The following NUP210 variants were observed in gnomAD, a reference collection of about 807,000 sequenced individuals.
NUP210 encodes the protein nuclear pore membrane glycoprotein 210.
A neutral mutation model predicts 196.0 loss-of-function variants in NUP210; 151 were observed. The ratio of observed to expected loss-of-function variants is 0.77; its 90% confidence interval spans 0.67 to 0.88. The LOEUF (loss-of-function observed/expected upper bound fraction) is 0.88. Ranked by LOEUF, NUP210 falls within the 40% of genes least tolerant of loss-of-function variation. The pLI, the probability that NUP210 is intolerant of heterozygous loss-of-function variation, is 0.00. For missense variants in NUP210, 2,314 were observed against 2,493.7 expected, an observed-to-expected ratio of 0.93 and a Z score of 1.53; for synonymous variants, 1,070 against 1,052.7, an observed-to-expected ratio of 1.02 and a Z score of -0.32.
chr3:13,344,263 G>T (rs1269626892), intron 20 of NUP210, among the ~76,000 whole-genome samples: 2 of 152,264 alleles, frequency 1.3e-5, no homozygotes, highest in African/African-American at 4.8e-5. Flanking sequence ...GCAGAAGATG[G>T]GCATTCACAC....
intron 20 of NUP210, among the ~76,000 whole-genome samples, chr3:13,345,489 G>A (rs1294479695): frequency 2.0e-5 from 3 of 152,196 alleles, no homozygotes; most frequent in Non-Finnish European, 4.4e-5. Context: ...AGGAGGGAGA[G>A]TGGACAAAAG....
chr3:13,388,271 A>C lies in NUP210; in HGVS notation c.684+32T>G, dbSNP rs375801682. On this transcript the variant is annotated intron_variant, in intron 5 of 39. Coordinates refer to ENST00000254508, the MANE Select transcript of NUP210 (RefSeq NM_024923.4). The stretch of plus-strand genomic sequence containing the variant: ...CCGTCAGCCTGATTCCACCCCAGGA[A>C]GCCCACTGACACCCCAGCGCCCCAG... The C allele has an allele frequency of 1.9e-6, 3 of 1,555,582 alleles. No homozygotes were observed. The African/African-American group carries it at 4.1e-5, about 21-fold the overall frequency.
intron 28 of NUP210, among the ~76,000 whole-genome samples, chr3:13,334,805 C>T (rs925070473): frequency 2.0e-5 from 3 of 152,202 alleles, no homozygotes; most frequent in African/African-American, 7.2e-5. Context: ...GATACAGACA[C>T]AGGGCTGCAC....
rs1248120756 is a variant in NUP210 at position 13,420,054 on chromosome 3, C to T, written c.167+6G>A. On this transcript the variant is annotated splice_donor_region_variant and intron_variant, in intron 1 of 39. Transcript: ENST00000254508. The surrounding 1 kb of genome is among the most constrained non-coding windows in gnomAD (Gnocchi z 4.8). ...GGCGCCCGCCCGGCCCGGCCGCGCG[C>T]CTCACCAGCGGTAGCAGCCCTCCGA... 1 of 1,302,690 alleles carries T rather than the reference C, an allele frequency of 7.7e-7. No homozygotes were observed. The highest frequency in any genetic ancestry group is 3.9e-5 in the East Asian group (1 of 25,640). 80.7% of individuals were successfully genotyped at this position (1,302,690 alleles called of 1,614,324 possible).
In NUP210 at chr3:13,391,196, AG is replaced by A; in HGVS notation, c.533+14del. 2 of 1,596,538 alleles carry A rather than the reference AG, an allele frequency of 1.3e-6. No individual in the cohort carries two copies. Among genetic ancestry groups the A allele is most frequent in the Non-Finnish European group, 1.7e-6 (2 of 1,166,288 alleles). The stretch of plus-strand genomic sequence containing the variant: ...TCCCTTCAAAGGGGCCAGGCCTAGC[AG>A]AGGCACCCCTTACCGCAGCGCATTG... On this transcript the variant is annotated intron_variant, in intron 4 of 39. Coordinates refer to ENST00000254508, the MANE Select transcript of NUP210 (RefSeq NM_024923.4).
chr3:13,317,694 T>C lies in NUP210; in HGVS notation c.5651A>G (p.Tyr1884Cys), dbSNP rs1024851966. ...SPPSGLWSPA[Y>C]ASH ...CCTTCACGCGGCCTAGTGGGAGGCA[T>C]AGGCTGGGCTCCACAGCCCTGAGGG... The change falls in exon 40 of 40, where the codon TAT becomes TGT. Residue 1884 changes from tyrosine to cysteine, a missense_variant. Coordinates refer to ENST00000254508, the MANE Select transcript of NUP210 (RefSeq NM_024923.4). The C allele has an allele frequency of 5.0e-6, 8 of 1,608,646 alleles. No individual in the cohort carries two copies. In the Admixed American group the frequency reaches 6.7e-5, roughly 14 times the overall value.
chr3:13,325,887 TG>T lies in NUP210; in HGVS notation c.4551del (p.His1517GlnfsTer17). ...ACAGCCACACCCGTCTTGGGGTCGA[TG>T]TGGAGGATGCTGTTGGCCGAGGAGC... Reference protein sequence around the residue: ...TWSSSANSILHIDPKTGVAVA... With the variant: ...TWSSSANSILXIDPKTGVAVA... On this transcript the variant is annotated frameshift_variant, in exon 33 of 40. Coordinates refer to ENST00000254508, the MANE Select transcript of NUP210 (RefSeq NM_024923.4). LOFTEE classifies it high-confidence loss of function. 1 of 1,614,120 alleles carries T rather than the reference TG, an allele frequency of 6.2e-7. No homozygotes were observed.
chr3:13,336,936 G>C lies in NUP210; in HGVS notation c.3553-18C>G. On this transcript the variant is annotated intron_variant, in intron 26 of 39. Transcript: ENST00000254508. ...ATGGGCATCTGCAGGGGAGAAGTCAGGCCCAGTGAGCAGTAGCTCCCAGCA... is the reference window on the plus strand; with the variant it reads ...ATGGGCATCTGCAGGGGAGAAGTCACGCCCAGTGAGCAGTAGCTCCCAGCA... 1 of 1,612,542 alleles carries C rather than the reference G, an allele frequency of 6.2e-7. No individual in the cohort carries two copies. The highest frequency in any genetic ancestry group is 8.5e-7 in the Non-Finnish European group (1 of 1,179,284).
chr3:13,370,419 G>C (rs1576391787), intron 13 of NUP210, among the ~76,000 whole-genome samples: 1 of 152,322 alleles, frequency 6.6e-6, no homozygotes, highest in African/African-American at 2.4e-5. Flanking sequence ...AGAGAGGCTA[G>C]GCAGCACACC....
chr3:13,358,482 T>C, intron 15 of NUP210, 87 bp from the exon 16 acceptor site: 1 of 1,341,766 alleles, frequency 7.5e-7, no homozygotes, highest in Non-Finnish European at 1.0e-6. Context: ...CAGCTCCCTC[T>C]GACTCAGTTT....
chr3:13,375,568 A>T lies in NUP210; in HGVS notation c.1367T>A (p.Leu456Gln). Residue 456 changes from leucine to glutamine, a missense_variant, in exon 11 of 40, where the codon CTG becomes CAG. Coordinates refer to ENST00000254508, the MANE Select transcript of NUP210 (RefSeq NM_024923.4). ...QEVEIHIPIT[L>Q]YPSILTFPWQ... The stretch of plus-strand genomic sequence containing the variant: ...CGGAAATGTCAAGATGCTGGGATAC[A>T]GGGTGATCGGGATGTGAATTTCCAC... The T allele has an allele frequency of 1.2e-6, 2 of 1,614,114 alleles. No individual in the cohort carries two copies. The highest frequency in any genetic ancestry group is 1.7e-6 in the Non-Finnish European group (2 of 1,180,000).
chr3:13,367,753 G>A (rs1191258390), intron 13 of NUP210, among the ~76,000 whole-genome samples: 1 of 152,190 alleles, frequency 6.6e-6, no homozygotes, highest in East Asian at 1.9e-4. Flanking sequence ...AAGATCCTTT[G>A]TCCACATTCT....
Position 13,365,829 on chromosome 3 carries a change from C to T in NUP210, c.1932+117G>A, listed in dbSNP as rs973053119. 19 of 1,163,912 alleles carry T rather than the reference C, an allele frequency of 1.6e-5. No homozygotes were observed. In the African/African-American group the frequency reaches 2.9e-4, roughly 18 times the overall value. 72.1% of individuals were successfully genotyped at this position (1,163,912 alleles called of 1,614,324 possible). A position where few individuals can be genotyped will look rare whatever the true frequency, so the allele number is the denominator to read the frequency against. On this transcript the variant is annotated intron_variant, in intron 14 of 39. Transcript: ENST00000254508. ...AGAAATCATGGGAGAGGAAGCTGTGCCAAAAGCTATTTTGAAGGAATCGGG... is the reference window on the plus strand; with the variant it reads ...AGAAATCATGGGAGAGGAAGCTGTGTCAAAAGCTATTTTGAAGGAATCGGG...
intron 1 of NUP210, among the ~76,000 whole-genome samples, chr3:13,404,613 GC>G (rs1048485520): frequency 4.2e-4 from 64 of 152,274 alleles, no homozygotes; most frequent in African/African-American, 1.4e-3. Context: ...CTGGTTTAAG[GC>G]CACAGAGGCC....
At chr3:13,372,656 GC>G (rs1698771891) in intron 12 of NUP210, among the ~76,000 whole-genome samples, 1 of 152,218 alleles carries the variant, frequency 6.6e-6, no homozygotes, top group African/African-American at 2.4e-5. Context: ...GGTAAGCACA[GC>G]CATGATTGCA....
chr3:13,385,253 T>C (rs1253582253), intron 6 of NUP210, among the ~76,000 whole-genome samples: 1 of 152,216 alleles, frequency 6.6e-6, no homozygotes, highest in Non-Finnish European at 1.5e-5. Flanking sequence ...GAAGTGTGTA[T>C]CTGCCTGCCT....
intron 14 of NUP210, 84 bp from the exon 15 acceptor site, chr3:13,360,575 C>T: frequency 9.4e-7 from 1 of 1,067,850 alleles, no homozygotes; most frequent in Non-Finnish European, 1.3e-6. Flanking sequence ...ACATCCTCAC[C>T]CCGCTTGTGG....
chr3:13,339,593 G>A (rs150718840), intron 25 of NUP210, among the ~76,000 whole-genome samples: 6 of 152,360 alleles, frequency 3.9e-5, no homozygotes, highest in Admixed American at 2.0e-4. Context: ...CTTTGGGGCC[G>A]GGAGTTGCTG....
chr3:13,376,668 C>T (rs1372019102), intron 9 of NUP210, among the ~76,000 whole-genome samples: 3 of 152,134 alleles, frequency 2.0e-5, no homozygotes, highest in African/African-American at 7.2e-5. Flanking sequence ...ATGACCTGCG[C>T]TTCGATTTCA....
Sources: allele counts gnomAD v4.1 joint callset (sites outside exome capture counted in the v4.1 genomes callset), GRCh38; gene constraint gnomAD v4.1.1; non-coding constraint Gnocchi (gnomAD v3.1); transcripts MANE v1.5; gene names NCBI Gene and HGNC (gene_info 2026-07-23, HGNC 2026-07-21).